Variants in ADAMTSL3 observed in about 807,000 individuals in gnomAD.
ADAMTSL3 encodes the protein ADAMTS like 3, also known as ADAMTS-like protein 3.
A neutral mutation model predicts 201.7 loss-of-function variants in ADAMTSL3; 128 were observed. That is an observed-to-expected ratio of 0.63 (90% confidence interval 0.55 to 0.73). The LOEUF (loss-of-function observed/expected upper bound fraction) is 0.73, where lower values mean the gene tolerates loss of function less well. ADAMTSL3 is among the 30% of genes least tolerant of loss of function. ADAMTSL3 has a pLI of 0.00. For synonymous variants in ADAMTSL3, 738 were observed against 748.4 expected (o/e 0.99, Z 0.23); for missense variants, 1,990 against 2,119.6 (o/e 0.94, Z 1.20).
At chr15:83,777,123 C>T (rs879623745) in intron 4 of ADAMTSL3, among the ~76,000 whole-genome samples, 8 of 152,186 alleles carry the variant, frequency 5.3e-5, no homozygotes, top group African/African-American at 1.9e-4. Flanking sequence ...GCCAGTGCCC[C>T]GCCCCTGAGC....
chr15:83,868,331 A>G (rs1039138915), intron 8 of ADAMTSL3, among the ~76,000 whole-genome samples: 1 of 152,242 alleles, frequency 6.6e-6, no homozygotes, highest in African/African-American at 2.4e-5. Context: ...AGGTATCCAT[A>G]AGTCAATACA....
chr15:83,864,565 G>A (rs180806898), intron 8 of ADAMTSL3, among the ~76,000 whole-genome samples: 1,691 of 151,198 alleles, frequency 0.011, 34 homozygotes, highest in African/African-American at 0.038. Flanking sequence ...ATTCAACAAC[G>A]CTTCATGCTA....
intron 7 of ADAMTSL3, among the ~76,000 whole-genome samples, chr15:83,843,605 C>T (rs2064429961): frequency 1.3e-5 from 2 of 152,278 alleles, no homozygotes; most frequent in South Asian, 4.1e-4. Context: ...CATGTCTCCC[C>T]CTGAGTGTGC....
intron 19 of ADAMTSL3, among the ~76,000 whole-genome samples, chr15:83,952,434 CT>C (rs1372641072): frequency 1.1e-4 from 16 of 152,240 alleles, no homozygotes; most frequent in Admixed American, 9.8e-4. Context: ...TCTGCAGCCA[CT>C]GAATGGAATG....
intron 15 of ADAMTSL3, among the ~76,000 whole-genome samples, chr15:83,906,622 C>CA (rs1303793599): frequency 1.3e-5 from 1 of 79,034 alleles, no homozygotes; most frequent in East Asian, 4.6e-4. Context: ...GTGCCACACA[C>CA]CACACACACA....
chr15:83,658,253 C>A (rs573827460), intron 2 of ADAMTSL3, among the ~76,000 whole-genome samples: 37 of 152,156 alleles, frequency 2.4e-4, no homozygotes, highest in African/African-American at 8.7e-4. Flanking sequence ...GGACTACAGG[C>A]GCACACTACC....
chr15:84,000,366 C>CTCCCCT (rs1270348207), intron 23 of ADAMTSL3, among the ~76,000 whole-genome samples: 1 of 152,102 alleles, frequency 6.6e-6, no homozygotes, highest in East Asian at 1.9e-4. Context: ...CTCAAAAAGG[C>CTCCCCT]TCCCCTTCCC....
intron 15 of ADAMTSL3, among the ~76,000 whole-genome samples, chr15:83,906,031 C>G (rs1758370203): frequency 6.6e-6 from 1 of 152,072 alleles, no homozygotes; most frequent in African/African-American, 2.4e-5. Flanking sequence ...AATTAACCAA[C>G]TGCCCCTAGC....
intron 2 of ADAMTSL3, among the ~76,000 whole-genome samples, chr15:83,696,440 C>A (rs2061689696): frequency 6.6e-6 from 1 of 152,244 alleles, no homozygotes; most frequent in African/African-American, 2.4e-5. Flanking sequence ...AGTGACCTTA[C>A]ATGGTGTCTG....
intron 3 of ADAMTSL3, among the ~76,000 whole-genome samples, chr15:83,734,550 A>G (rs1024781093): frequency 2.0e-5 from 3 of 152,212 alleles, no homozygotes; most frequent in Non-Finnish European, 2.9e-5. Context: ...GTAGCTATTC[A>G]GCATCCCAGC....
At chr15:83,809,567 C>G (rs2063659251) in intron 5 of ADAMTSL3, among the ~76,000 whole-genome samples, 1 of 152,198 alleles carries the variant, frequency 6.6e-6, no homozygotes, top group Non-Finnish European at 1.5e-5. Flanking sequence ...GTGTATCTCC[C>G]CTTTTCTTTA....
chr15:83,838,251 C>A, intron 7 of ADAMTSL3, 36 bp downstream of exon 7: 1 of 1,603,044 alleles, frequency 6.2e-7, no homozygotes, highest in South Asian at 1.1e-5. Flanking sequence ...TACCATCATA[C>A]AAGATATATT....
rs951638957 is a variant in ADAMTSL3 at position 83,943,809 on chromosome 15, T to C, written c.2490+727T>C. ...TAACATCCCATAGTGTTCCCATCAC[T>C]GTGTCCATCAAGTCTCCAGCTTGTT... On this transcript the variant is annotated intron_variant, in intron 19 of 29. Transcript: ENST00000286744. Among the ~76,000 whole-genome samples, 6 of 152,222 alleles carry C rather than the reference T, an allele frequency of 3.9e-5. No homozygotes were observed. The East Asian group carries it at 1.2e-3, about 29-fold the overall frequency.
At chr15:83,794,490 C>A (rs2063392622) in intron 4 of ADAMTSL3, among the ~76,000 whole-genome samples, 1 of 152,066 alleles carries the variant, frequency 6.6e-6, no homozygotes, top group Non-Finnish European at 1.5e-5. Flanking sequence ...TGGAAATGAA[C>A]CATTGATAAA....
chr15:83,712,840 A>G (rs2061950840), intron 3 of ADAMTSL3, among the ~76,000 whole-genome samples: 2 of 152,124 alleles, frequency 1.3e-5, no homozygotes, highest in African/African-American at 2.4e-5. Context: ...TCAGTCACCC[A>G]TTCCAAGTGT....
intron 3 of ADAMTSL3, among the ~76,000 whole-genome samples, chr15:83,772,198 A>C (rs1364877752): frequency 2.6e-5 from 4 of 152,144 alleles, no homozygotes. Context: ...TGAACTTTAG[A>C]AACATTTGTT....
intron 23 of ADAMTSL3, among the ~76,000 whole-genome samples, chr15:84,012,044 T>C (rs1395267810): frequency 1.3e-5 from 2 of 152,208 alleles, no homozygotes; most frequent in Non-Finnish European, 2.9e-5. Context: ...AAAAAAGATA[T>C]ATGCACATGT....
chr15:83,703,741 C>T (rs770281180), intron 2 of ADAMTSL3, among the ~76,000 whole-genome samples: 6 of 152,164 alleles, frequency 3.9e-5, no homozygotes, highest in Middle Eastern at 3.4e-3. Flanking sequence ...AGCATGAAAA[C>T]GGACTGGGGT....
At chr15:84,018,247 C>T (rs1293510101) in intron 25 of ADAMTSL3, among the ~76,000 whole-genome samples, 2 of 152,226 alleles carry the variant, frequency 1.3e-5, no homozygotes, top group Admixed American at 1.3e-4. Flanking sequence ...TACAATCACA[C>T]ACACACACAT....
Sources: allele counts gnomAD v4.1 joint callset (sites outside exome capture counted in the v4.1 genomes callset), GRCh38; gene constraint gnomAD v4.1.1; transcripts MANE v1.5; gene names NCBI Gene and HGNC (gene_info 2026-07-23, HGNC 2026-07-21).